FASN: variants seen among roughly 807,000 people sequenced by gnomAD.
The protein encoded by FASN is 3-hydroxyacyl-[acyl-carrier-protein] dehydratase.
A neutral mutation model predicts 250.0 loss-of-function variants in FASN; 50 were observed. The ratio of observed to expected loss-of-function variants is 0.20; its 90% CI spans 0.16 to 0.25. The LOEUF (loss-of-function observed/expected upper bound fraction) is 0.25, where lower values mean the gene tolerates loss of function less well. Among genes scored for constraint, FASN ranks in the 10% least tolerant of loss-of-function variants. The pLI is 1.00. For synonymous variants in FASN, 1,909 were observed against 1,584.0 expected (o/e 1.21, Z -4.87); for missense variants, 3,031 against 3,498.5 (o/e 0.87, Z 3.37).
intron 3 of FASN, chr17:82,094,047 G>A: frequency 1.8e-6 from 1 of 541,856 alleles, no homozygotes; most frequent in East Asian, 3.3e-5. Flanking sequence ...GCGGGCCCAG[G>A]GGAGGGCACC....
chr17:82,080,666 G>A (rs753722004), intron 39 of FASN, 26 bp downstream of exon 39: 37 of 1,561,266 alleles, frequency 2.4e-5, no homozygotes, highest in Middle Eastern at 1.7e-4. Flanking sequence ...ACTGACCACC[G>A]CTTCCAGAGG....
chr17:82,095,288 C>T (rs1342915114), intron 3 of FASN, 32 bp downstream of exon 3: 2 of 1,611,150 alleles, frequency 1.2e-6, no homozygotes, highest in East Asian at 2.2e-5. Context: ...AGCAGGAGCC[C>T]TCGGCGCAGC....
intron 2 of FASN, 55 bp from the exon 3 acceptor site, chr17:82,095,527 C>T: frequency 6.2e-7 from 1 of 1,601,220 alleles, no homozygotes; most frequent in African/African-American, 1.3e-5. Flanking sequence ...GAGGTGGGGG[C>T]CCTGTGGGGT....
In FASN at chr17:82,083,897, G is replaced by A. The variant is rs1431015702; in HGVS notation, c.5099-6C>T. ...CGCCCGCTTCTCAGCCGACCCTGGT[G>A]AAGAGAGGAAGCGCGGCTGGTGAGC... On this transcript the variant is annotated splice_region_variant and splice_polypyrimidine_tract_variant and intron_variant, in intron 29 of 42. Transcript: ENST00000306749. The A allele has an allele frequency of 6.4e-7, 1 of 1,561,286 alleles. No homozygotes were observed. Among genetic ancestry groups the A allele is most frequent in the Non-Finnish European group, 8.7e-7 (1 of 1,152,712 alleles).
In FASN at chr17:82,087,153, C is replaced by A; in HGVS notation, c.3324G>T (p.Glu1108Asp). Residue 1108 changes from glutamate to aspartate, a missense_variant, in exon 21 of 43, where the codon GAG becomes GAT. Physicochemically the swap from Glu to Asp is conservative, Grantham distance 45. Transcript: ENST00000306749. ...ACTTCTCCAGGATGGGCACCTGCTG[C>A]TCCTGCTGCCGCCGCGGGGCCGACT... is the stretch of plus-strand genomic sequence containing the variant. ...HTESAPRRQQ[E>D]QQVPILEKFC... 6.2e-7 allele frequency: 1 copy of A among 1,610,936 alleles called. No homozygotes were observed. The highest frequency in any genetic ancestry group is 1.1e-5 in the South Asian group (1 of 90,700).
intron 11 of FASN, 29 bp from the exon 12 acceptor site, chr17:82,089,755 G>C: frequency 6.4e-7 from 1 of 1,555,858 alleles, no homozygotes; most frequent in Non-Finnish European, 8.7e-7. Flanking sequence ...CAGAGGCTTA[G>C]CGTGGACACC....
Position 82,079,034 on chromosome 17 carries a change from C to A in FASN, c.*109G>T. The A allele has an allele frequency of 7.9e-7, 1 of 1,267,552 alleles. No homozygotes were observed. The highest frequency in any genetic ancestry group is 1.1e-6 in the Non-Finnish European group (1 of 926,222). The allele number at this position is 1,267,552 out of a possible 1,614,324, so 78.5% of individuals were successfully genotyped here. On this transcript the variant is annotated 3_prime_UTR_variant, in exon 43 of 43. Coordinates refer to ENST00000306749, the MANE Select transcript of FASN (RefSeq NM_004104.5). ...GCCTCGGGGGGCAGTGGCACTGGGCCGGACAGGGTCCCACCGGCAGGACCC... is the reference window on the plus strand; with the variant it reads ...GCCTCGGGGGGCAGTGGCACTGGGCAGGACAGGGTCCCACCGGCAGGACCC...
Position 82,082,379 on chromosome 17 carries a change from T to A in FASN, c.5955A>T (p.Pro1985=), listed in dbSNP as rs1306675652. 4 of 1,612,902 alleles carry A rather than the reference T, an allele frequency of 2.5e-6. No homozygotes were observed. Among genetic ancestry groups the A allele is most frequent in the Non-Finnish European group, 3.4e-6 (4 of 1,179,982 alleles). The change falls in exon 35 of 43, where the codon CCA becomes CCT. Residue 1985 remains proline (P), a synonymous_variant. Coordinates refer to ENST00000306749, the MANE Select transcript of FASN (RefSeq NM_004104.5). Reference sequence around the variant, plus strand: ...GCTTGCAGACGTCCTGGAAGAACTCTGGGGTCTGGTTCTCCAGCAAGCCAT... The same window carrying A: ...GCTTGCAGACGTCCTGGAAGAACTCAGGGGTCTGGTTCTCCAGCAAGCCAT... ...LRDGLLENQT[P]EFFQDVCKPK... is the part of the protein sequence containing the mutation.
intron 1 of FASN, chr17:82,097,661 T>A (rs949742933): frequency 6.6e-6 from 1 of 151,856 alleles, no homozygotes; most frequent in Non-Finnish European, 1.5e-5. Flanking sequence ...CCCCTGCGCT[T>A]CGGCCGGGCT....
In FASN at chr17:82,087,806, G is replaced by A; in HGVS notation, c.2922C>T (p.Ser974=). 1 of 1,612,642 alleles carries A rather than the reference G, an allele frequency of 6.2e-7. No homozygotes were observed. The highest frequency in any genetic ancestry group is 8.5e-7 in the Non-Finnish European group (1 of 1,179,924). The change falls in exon 19 of 43, where the codon AGC becomes AGT. Residue 974 remains serine, a synonymous_variant. Coordinates refer to ENST00000306749, the MANE Select transcript of FASN (RefSeq NM_004104.5). ...PDPRLFDHPE[S]PTPNPTEPLF... is the part of the protein sequence containing the mutation. ...GGGGCTCCGTGGGGTTGGGGGTGGGGCTTTCCGGGTGGTCGAAGAGCCTGG... is the reference window on the plus strand; with the variant it reads ...GGGGCTCCGTGGGGTTGGGGGTGGGACTTTCCGGGTGGTCGAAGAGCCTGG...
intron 41 of FASN, 54 bp from the exon 42 acceptor site, chr17:82,079,662 C>G (rs1284229904): frequency 4.4e-6 from 7 of 1,590,230 alleles, no homozygotes. Flanking sequence ...ACCGGCCTGC[C>G]CTGTGCTACA....
At position 82,084,697 on chromosome 17, in the gene FASN, C is replaced by T. The variant is rs143391566; in HGVS notation, c.4584G>A (p.Thr1528=). ...LLEEDKPEEP[T]AHAFVSTLTR... is the part of the protein sequence containing the mutation. Reference sequence around the variant, plus strand: ...TGAGGGTGCTCACAAAGGCATGTGCCGTCGGCTCCTCAGGCTTGTCTAGGG... The same window carrying T: ...TGAGGGTGCTCACAAAGGCATGTGCTGTCGGCTCCTCAGGCTTGTCTAGGG... The change falls in exon 27 of 43, where the codon ACG becomes ACA. Residue 1528 remains threonine, a synonymous_variant. Coordinates refer to ENST00000306749, the MANE Select transcript of FASN (RefSeq NM_004104.5). 3.8e-5 allele frequency: 59 copies of T among 1,569,848 alleles called. 2 individuals carry two copies. Among genetic ancestry groups the T allele is most frequent in the East Asian group, 2.1e-4 (9 of 42,336 alleles).
At position 82,084,362 on chromosome 17, in the gene FASN, G is replaced by A. The variant is rs755281247; in HGVS notation, c.4791C>T (p.Ser1597=). Residue 1597 remains serine (S), a synonymous_variant, in exon 28 of 43, where the codon AGC becomes AGT. Transcript: ENST00000306749. ...GGCCCGAGAACTCCATACCTAGCAG[G>A]CTGTCCTGGGAGGTCCACTTCCCTG... ...AIPGKWTSQD[S]LLGMEFSGRD... 2.5e-6 allele frequency: 4 copies of A among 1,607,578 alleles called. No individual in the cohort carries two copies. The highest frequency in any genetic ancestry group is 1.7e-5 in the Admixed American group (1 of 59,234).
At position 82,081,862 on chromosome 17, in the gene FASN, G is replaced by A; in HGVS notation, c.6164-19C>T. 1 of 1,591,486 alleles carries A rather than the reference G, an allele frequency of 6.3e-7. No individual in the cohort carries two copies. The highest frequency in any genetic ancestry group is 8.5e-7 in the Non-Finnish European group (1 of 1,172,966). On this transcript the variant is annotated intron_variant, in intron 36 of 42. Coordinates refer to ENST00000306749, the MANE Select transcript of FASN (RefSeq NM_004104.5). ...GCCAGGCCTGTGGGGGAGGGGGCAG[G>A]TGGGCAGAGCTGCGGGGAGGTCGGG...
intron 30 of FASN, 22 bp downstream of exon 30, chr17:82,083,750 G>T (rs769920278): frequency 5.0e-6 from 8 of 1,610,926 alleles, no homozygotes; most frequent in Non-Finnish European, 6.8e-6. Flanking sequence ...GGAGGCAGGT[G>T]GGGGCTGTGG....
rs376643581 is a variant in FASN, at chr17:82,082,566, C to A, written c.5880G>T (p.Ala1960=). The A allele has an allele frequency of 3.1e-6, 5 of 1,609,088 alleles. No individual in the cohort carries two copies. The highest frequency in any genetic ancestry group is 1.1e-5 in the South Asian group (1 of 91,068). The change falls in exon 34 of 43, where the codon GCG becomes GCT. Residue 1960 remains alanine, a synonymous_variant. Transcript: ENST00000306749. ...AGACGCCGCCCACGGGCCCAAGCTG[C>A]GCCGCCTCGGCAATGAGGCCCCGGG... ...EGARGLIAEA[A]QLGPVGGVFN...
chr17:82,085,868 G>C lies in FASN; in HGVS notation c.3736C>G (p.Leu1246Val). 1 of 1,535,340 alleles carries C rather than the reference G, an allele frequency of 6.5e-7. No individual in the cohort carries two copies. Among genetic ancestry groups the C allele is most frequent in the Non-Finnish European group, 8.7e-7 (1 of 1,145,338 alleles). The change falls in exon 23 of 43, where the codon CTG becomes GTG. Residue 1246 changes from leucine (L) to valine (V), a missense_variant. Leu to Val is a conservative substitution (Grantham distance 32). Transcript: ENST00000306749. ...GAATACAGGTGACCGTGGCCAGCCA[G>C]CACCTGTAGGGGGTGAATTCTGGAA... ...PSLKMKVVEV[L>V]AGHGHLYSRI... is the part of the protein sequence containing the mutation.
Position 82,095,336 on chromosome 17 carries a change from T to C in FASN, c.264A>G (p.Glu88=). The stretch of plus-strand genomic sequence containing the variant: ...CCGACCCACCTCCGTCCACGATGGC[T>C]TCATAGGTGACTTCCAGCAGCAGCC... The part of the protein sequence containing the change: ...QLRLLLEVTY[E]AIVDGGINPD... The change falls in exon 3 of 43, where the codon GAA becomes GAG. Residue 88 remains glutamate (E), a synonymous_variant. Transcript: ENST00000306749. 2 of 1,612,940 alleles carry C rather than the reference T, an allele frequency of 1.2e-6. No individual in the cohort carries two copies. The highest frequency in any genetic ancestry group is 2.2e-5 in the South Asian group (2 of 91,090).
intron 37 of FASN, 71 bp downstream of exon 37, chr17:82,081,530 G>A (rs1022558450): frequency 1.2e-5 from 19 of 1,602,090 alleles, no homozygotes; most frequent in African/African-American, 9.3e-5. Context: ...ACAGGGGCAC[G>A]ACTGCTATGT....
Sources: allele counts gnomAD v4.1 joint callset, GRCh38; gene constraint gnomAD v4.1.1; transcripts MANE v1.5; gene names NCBI Gene and HGNC (gene_info 2026-07-23, HGNC 2026-07-21).